The following ZNG1B variants were observed in gnomAD, a reference collection of about 807,000 sequenced individuals.
ZNG1B encodes the protein zinc-regulated GTPase metalloprotein activator 1B.
At chr2:113,490,625 T>G in the ZNG1B span, among the ~76,000 whole-genome samples, 1 of 151,912 alleles carries the variant, frequency 6.6e-6, no homozygotes, top group South Asian at 2.1e-4. Context: ...CCAAATAAGC[T>G]CAATAAGAAA....
chr2:113,484,886 C>T, the ZNG1B span, among the ~76,000 whole-genome samples: 9 of 151,136 alleles, frequency 6.0e-5, no homozygotes, highest in Non-Finnish European at 1.0e-4. Flanking sequence ...GTTGGCCAAG[C>T]TGGTCTCAAA....
the ZNG1B span, chr2:113,460,847 C>T: frequency 6.9e-7 from 1 of 1,442,064 alleles, no homozygotes. Flanking sequence ...CTTTTTTTCC[C>T]TTAGTTGAAT....
At chr2:113,473,598 A>AT in the ZNG1B span, among the ~76,000 whole-genome samples, 8 of 151,492 alleles carry the variant, frequency 5.3e-5, no homozygotes, top group East Asian at 1.6e-3. Flanking sequence ...GTTTTTGCCC[A>AT]TTCAGTATGA....
At chr2:113,441,324 TTTA>T in the ZNG1B span, 1 of 1,319,424 alleles carries the variant, frequency 7.6e-7, no homozygotes, top group Non-Finnish European at 1.0e-6. Flanking sequence ...TTTGAATTTT[TTTA>T]TTTACAAAAA....
At chr2:113,442,009 G>A in the ZNG1B span, among the ~76,000 whole-genome samples, 1 of 152,142 alleles carries the variant, frequency 6.6e-6, no homozygotes, top group Non-Finnish European at 1.5e-5. Flanking sequence ...AAGTTGCTGG[G>A]ATTACAGGCA....
the ZNG1B span, chr2:113,453,258 T>C: frequency 5.5e-5 from 87 of 1,587,490 alleles, no homozygotes; most frequent in Admixed American, 2.6e-4. Flanking sequence ...TTTTATTTTT[T>C]TCTGAGACGG....
At chr2:113,438,932 T>A in the ZNG1B span, 1 of 1,539,840 alleles carries the variant, frequency 6.5e-7, no homozygotes, top group South Asian at 1.2e-5. Context: ...TTTTGTTTTT[T>A]AAAAAACTTT....
At chr2:113,486,208 A>C in the ZNG1B span, among the ~76,000 whole-genome samples, 2 of 124,012 alleles carry the variant, frequency 1.6e-5, no homozygotes, top group Non-Finnish European at 3.3e-5. Context: ...TTAGTTTATT[A>C]TTAGAACCAA....
the ZNG1B span, among the ~76,000 whole-genome samples, chr2:113,479,144 T>C: frequency 6.9e-6 from 1 of 144,306 alleles, no homozygotes; most frequent in Non-Finnish European, 1.5e-5. Flanking sequence ...GTTATTTCTA[T>C]TTTTCTAAAA....
At chr2:113,440,278 G>A in the ZNG1B span, among the ~76,000 whole-genome samples, 4 of 151,954 alleles carry the variant, frequency 2.6e-5, no homozygotes, top group South Asian at 4.2e-4. Context: ...AGAAACCTTC[G>A]AATGAATGAG....
the ZNG1B span, among the ~76,000 whole-genome samples, chr2:113,455,813 C>T: frequency 2.3e-5 from 3 of 127,822 alleles, no homozygotes; most frequent in Admixed American, 8.2e-5. Flanking sequence ...CTCCACCTCC[C>T]AGGTTCAAGC....
At chr2:113,472,053 C>T in the ZNG1B span, among the ~76,000 whole-genome samples, 6 of 148,780 alleles carry the variant, frequency 4.0e-5, no homozygotes, top group South Asian at 2.1e-4. Context: ...CCTGAGGAAT[C>T]GCCACACTGA....
the ZNG1B span, among the ~76,000 whole-genome samples, chr2:113,443,457 GA>G: frequency 6.6e-6 from 1 of 151,532 alleles, no homozygotes; most frequent in South Asian, 2.1e-4. Flanking sequence ...CCCTGGACAA[GA>G]AAAAAATGCC....
chr2:113,456,499 C>T, the ZNG1B span, among the ~76,000 whole-genome samples: 1 of 150,964 alleles, frequency 6.6e-6, no homozygotes, highest in Non-Finnish European at 1.5e-5. Context: ...TGCTAAAAGT[C>T]AAACTGTTTA....
At chr2:113,472,966 C>A in the ZNG1B span, among the ~76,000 whole-genome samples, 3 of 150,564 alleles carry the variant, frequency 2.0e-5, no homozygotes, top group Admixed American at 6.6e-5. Flanking sequence ...CTTGGCGATG[C>A]GGGCTCTTTT....
At chr2:113,438,405 C>T in the ZNG1B span, among the ~76,000 whole-genome samples, 1 of 152,118 alleles carries the variant, frequency 6.6e-6, no homozygotes, top group African/African-American at 2.4e-5. Context: ...AACCACCTAC[C>T]TGTTGCCATT....
At chr2:113,474,090 GA>G in the ZNG1B span, among the ~76,000 whole-genome samples, 1 of 151,998 alleles carries the variant, frequency 6.6e-6, no homozygotes, top group Non-Finnish European at 1.5e-5. Flanking sequence ...ACCTCTGGTA[GA>G]ATTCGGCTGT....
chr2:113,446,205 C>T, the ZNG1B span, among the ~76,000 whole-genome samples: 2 of 150,174 alleles, frequency 1.3e-5, no homozygotes, highest in Non-Finnish European at 2.9e-5. Context: ...TAGACAAAAA[C>T]TTGATACTTT....
At chr2:113,483,966 G>A in the ZNG1B span, among the ~76,000 whole-genome samples, 1 of 151,344 alleles carries the variant, frequency 6.6e-6, no homozygotes, top group South Asian at 2.1e-4. Context: ...TAGTATCACA[G>A]CCAAAGGGCT....
Sources: gnomAD v4.1 joint callset for allele counts (sites outside exome capture counted in the v4.1 genomes callset) on GRCh38, gnomAD v4.1.1 for gene constraint, MANE v1.5 for transcripts, NCBI Gene and HGNC (gene_info 2026-07-23, HGNC 2026-07-21) for gene names.